PHC3: variants seen among roughly 807,000 people sequenced by gnomAD.
PHC3 encodes the protein polyhomeotic homolog 3.
In PHC3, 13 loss-of-function variants were observed where a neutral mutation model predicts 107.4. The observed-to-expected ratio is 0.12, with a 90% CI of 0.08 to 0.19. The LOEUF (loss-of-function observed/expected upper bound fraction) is 0.19, where lower values mean the gene tolerates loss of function less well. Among genes scored for constraint, PHC3 ranks in the 10% least tolerant of loss-of-function variants. PHC3 has a pLI of 1.00. For synonymous variants in PHC3, 456 were observed against 427.4 expected (o/e 1.07, Z -0.83); for missense variants, 992 against 1,210.9 (o/e 0.82, Z 2.68).
intron 11 of PHC3, among the ~76,000 whole-genome samples, chr3:170,109,125 T>C (rs1717138542): frequency 6.6e-6 from 1 of 152,226 alleles, no homozygotes; most frequent in African/African-American, 2.4e-5. Context: ...ATTAGAAAAC[T>C]GCCAAAACAC....
At chr3:170,148,959 CG>C (rs1447109755) in intron 5 of PHC3, 126 bp downstream of exon 5, 19 of 881,260 alleles carry the variant, frequency 2.2e-5, no homozygotes, top group Non-Finnish European at 3.2e-5. Flanking sequence ...AAGGCACGCC[CG>C]CATGCACACA....
chr3:170,115,019 A>G (rs2108358473), intron 10 of PHC3, among the ~76,000 whole-genome samples: 1 of 152,148 alleles, frequency 6.6e-6, no homozygotes, highest in Admixed American at 6.5e-5. Context: ...AATTTAAATC[A>G]TTTTCCAAAA....
chr3:170,158,112 A>G (rs1727184856), intron 4 of PHC3, among the ~76,000 whole-genome samples: 1 of 152,162 alleles, frequency 6.6e-6, no homozygotes. Context: ...GGATTGAGAA[A>G]ACAATCACAC....
intron 1 of PHC3, among the ~76,000 whole-genome samples, chr3:170,180,458 A>G (rs1333526187): frequency 1.3e-5 from 2 of 152,168 alleles, no homozygotes; most frequent in Non-Finnish European, 2.9e-5. Flanking sequence ...TCACAAAGAA[A>G]GAAAAAGAAA....
chr3:170,129,209 A>G lies in PHC3; in HGVS notation c.1263T>C (p.Ser421=), dbSNP rs560340197. Residue 421 remains serine (S), a synonymous_variant, in exon 8 of 15, where the codon TCT becomes TCC. Coordinates refer to ENST00000495893, the MANE Select transcript of PHC3 (RefSeq NM_024947.4). ...SPPPPHSPSQ[S]PTIIIHPQAL... The stretch of plus-strand genomic sequence containing the variant: ...CTTGTGGATGAATAATTATAGTAGG[A>G]GACTGACTTGGTGAATGAGGTGGTG... The G allele has an allele frequency of 5.6e-6, 9 of 1,613,902 alleles. No homozygotes were observed. Among genetic ancestry groups the G allele is most frequent in the South Asian group, 5.5e-5 (5 of 91,086 alleles).
At chr3:170,143,066 A>G (rs1216238683) in intron 6 of PHC3, among the ~76,000 whole-genome samples, 1 of 152,118 alleles carries the variant, frequency 6.6e-6, no homozygotes, top group Non-Finnish European at 1.5e-5. Flanking sequence ...AATCCCAGCC[A>G]CTCAGGAGGC....
chr3:170,144,058 G>A (rs1475486497), intron 6 of PHC3, among the ~76,000 whole-genome samples: 1 of 151,552 alleles, frequency 6.6e-6, no homozygotes, highest in Admixed American at 6.6e-5. Flanking sequence ...CGGGCGTGGT[G>A]GCTCACGCCT....
Position 170,103,608 on chromosome 3 carries a change from A to G in PHC3, c.2469-674T>C, listed in dbSNP as rs551739125. On this transcript the variant is annotated intron_variant, in intron 12 of 14. Transcript: ENST00000495893. Reference sequence around the variant, plus strand: ...CATGATGACAGCTTAAAAGAATCCTATGTCTTTTAATGGATCCTAAAGCCC... The same window carrying G: ...CATGATGACAGCTTAAAAGAATCCTGTGTCTTTTAATGGATCCTAAAGCCC... Among the ~76,000 whole-genome samples, 4 of 152,322 alleles carry G rather than the reference A, an allele frequency of 2.6e-5. No homozygotes were observed. In the East Asian group the frequency reaches 5.8e-4, roughly 22 times the overall value.
intron 4 of PHC3, among the ~76,000 whole-genome samples, chr3:170,151,624 C>CTTTGG (rs1725996849): frequency 6.6e-6 from 1 of 152,190 alleles, no homozygotes; most frequent in Admixed American, 6.5e-5. Flanking sequence ...CAAGTCAAAT[C>CTTTGG]CCTATTTTGA....
intron 6 of PHC3, among the ~76,000 whole-genome samples, chr3:170,140,584 C>CTCT (rs1723895604): frequency 1.4e-5 from 1 of 69,590 alleles, no homozygotes; most frequent in African/African-American, 5.7e-5. Flanking sequence ...ATTTCTTTTT[C>CTCT]TTTTTTTTTT....
chr3:170,145,445 G>A lies in PHC3; in HGVS notation c.650C>T (p.Ser217Phe), dbSNP rs1263085535. The change falls in exon 6 of 15, where the codon TCC becomes TTC. Residue 217 changes from serine (S) to phenylalanine (F), a missense_variant. This residue lies in a region of PHC3 where 543 missense variants were observed against 590.8 expected (regional missense o/e 0.92). Transcript: ENST00000495893. ...IPVVSSSSSS[S>F]CQSAATQVQN... ...CACCTGAGTAGCTGCAGACTGACAGGAAGATGACGATGACGACGAGACAAC... is the reference window on the plus strand; with the variant it reads ...CACCTGAGTAGCTGCAGACTGACAGAAAGATGACGATGACGACGAGACAAC... 9.3e-6 allele frequency: 15 copies of A among 1,613,536 alleles called. No homozygotes were observed. Among genetic ancestry groups the A allele is most frequent in the Non-Finnish European group, 1.2e-5 (14 of 1,179,572 alleles).
intron 4 of PHC3, among the ~76,000 whole-genome samples, chr3:170,155,411 C>G (rs1252763512): frequency 6.6e-6 from 1 of 152,174 alleles, no homozygotes; most frequent in Admixed American, 6.5e-5. Context: ...ATATGTATCA[C>G]AAATGTGAAA....
intron 9 of PHC3, among the ~76,000 whole-genome samples, chr3:170,120,069 TTTGTAATTA>T (rs1226455627): frequency 6.6e-6 from 1 of 152,216 alleles, no homozygotes; most frequent in Non-Finnish European, 1.5e-5. Flanking sequence ...TAATGCTTAT[TTTGTAATTA>T]AATCACAACT....
chr3:170,129,056 A>G lies in PHC3; in HGVS notation c.1416T>C (p.Ala472=). The change falls in exon 8 of 15, where the codon GCT becomes GCC. Residue 472 remains alanine (A), a synonymous_variant. Coordinates refer to ENST00000495893, the MANE Select transcript of PHC3 (RefSeq NM_024947.4). ...CTGGGCCAATGTGTACAACAGGGGA[A>G]GCTGGAAGTGGAAGATGGGATGGAA... ...LNLPSHLPLP[A]SPVVHIGPVQ... is the part of the protein sequence containing the mutation. The G allele has an allele frequency of 1.2e-6, 2 of 1,612,210 alleles. No individual in the cohort carries two copies. The highest frequency in any genetic ancestry group is 1.7e-6 in the Non-Finnish European group (2 of 1,179,046).
chr3:170,107,886 A>G (rs550124783), intron 11 of PHC3, among the ~76,000 whole-genome samples: 1 of 152,142 alleles, frequency 6.6e-6, no homozygotes, highest in Non-Finnish European at 1.5e-5. Context: ...GCAAACAACT[A>G]AATCTTCATG....
At chr3:170,159,734 T>TA (rs1450740683) in intron 4 of PHC3, among the ~76,000 whole-genome samples, 1 of 151,720 alleles carries the variant, frequency 6.6e-6, no homozygotes, top group Non-Finnish European at 1.5e-5. Context: ...AACTACAAAA[T>TA]AAAAAACTAA....
chr3:170,107,784 C>T (rs1171464475), intron 11 of PHC3, among the ~76,000 whole-genome samples: 2 of 152,076 alleles, frequency 1.3e-5, no homozygotes, highest in Non-Finnish European at 2.9e-5. Context: ...CCTTCTTCCA[C>T]CCTACATATG....
intron 4 of PHC3, among the ~76,000 whole-genome samples, chr3:170,168,465 C>A (rs1174454458): frequency 6.6e-6 from 1 of 152,076 alleles, no homozygotes; most frequent in Non-Finnish European, 1.5e-5. Context: ...GCCAAACAAT[C>A]ATAAAATCAC....
chr3:170,113,597 A>G, intron 10 of PHC3, 78 bp from the exon 11 acceptor site: 1 of 1,327,358 alleles, frequency 7.5e-7, no homozygotes, highest in Non-Finnish European at 1.0e-6. Context: ...AAAAACTCTT[A>G]AAATGAAACC....
Sources: gnomAD v4.1 joint callset for allele counts (sites outside exome capture counted in the v4.1 genomes callset) on GRCh38, gnomAD v4.1.1 for gene constraint, gnomAD v4.1.1 regional missense constraint, MANE v1.5 for transcripts, NCBI Gene and HGNC (gene_info 2026-07-23, HGNC 2026-07-21) for gene names.